The following DGKG variants were observed in gnomAD, a reference collection of about 807,000 sequenced individuals.
DGKG encodes DAG kinase gamma.
In DGKG, 78 loss-of-function variants were observed where a neutral mutation model predicts 105.3. The ratio of observed to expected loss-of-function variants is 0.74; its 90% confidence interval spans 0.62 to 0.89. The LOEUF is 0.89. DGKG is among the 40% of genes least tolerant of loss of function. The pLI, the probability that DGKG is intolerant of heterozygous loss-of-function variation, is 0.00. For missense variants in DGKG, 958 were observed against 1,020.1 expected, an observed-to-expected ratio of 0.94 and a Z score of 0.83; for synonymous variants, 346 against 367.1, an observed-to-expected ratio of 0.94 and a Z score of 0.66.
intron 20 of DGKG, among the ~76,000 whole-genome samples, chr3:186,223,411 T>C (rs1377857833): frequency 6.6e-6 from 1 of 152,096 alleles, no homozygotes; most frequent in African/African-American, 2.4e-5. Context: ...TCTGCCTATG[T>C]TTCCTGTGCC....
At chr3:186,299,514 C>CA (rs1723767035) in intron 3 of DGKG, among the ~76,000 whole-genome samples, 1 of 152,232 alleles carries the variant, frequency 6.6e-6, no homozygotes, top group African/African-American at 2.4e-5. Context: ...TTCAGCTGGA[C>CA]AGAGGCTCTT....
chr3:186,182,548 C>T (rs1717408551), intron 22 of DGKG, among the ~76,000 whole-genome samples: 1 of 152,156 alleles, frequency 6.6e-6, no homozygotes, highest in African/African-American at 2.4e-5. Flanking sequence ...AATGGTGAGT[C>T]CCTACTCTAC....
chr3:186,307,744 A>G (rs868068023), intron 2 of DGKG, among the ~76,000 whole-genome samples: 1 of 152,218 alleles, frequency 6.6e-6, no homozygotes, highest in South Asian at 2.1e-4. Context: ...TGAAAATTTC[A>G]AAACATTAAA....
At chr3:186,268,732 T>C in intron 12 of DGKG, 69 bp downstream of exon 12, 1 of 1,145,392 alleles carries the variant, frequency 8.7e-7, no homozygotes, top group South Asian at 1.3e-5. Context: ...GGATATTCAC[T>C]GCTCCTGGGC....
At chr3:186,194,767 C>T (rs1348651558) in intron 21 of DGKG, among the ~76,000 whole-genome samples, 1 of 145,512 alleles carries the variant, frequency 6.9e-6, no homozygotes, top group Non-Finnish European at 1.5e-5. Context: ...AGTTATTGTC[C>T]CTCCCATCTT....
In DGKG at chr3:186,237,997, A is replaced by G. The variant is rs9842275; in HGVS notation, c.1826+4507T>C. ...CCCCTTTAACACTATTGCTACACCT[A>G]AAACAACCAATTTGGCCAGGAGTGG... On this transcript the variant is annotated intron_variant, in intron 20 of 24. Coordinates refer to ENST00000265022, the MANE Select transcript of DGKG (RefSeq NM_001346.3). Among the ~76,000 whole-genome samples, 1,212 of 152,280 alleles carry G rather than the reference A, an allele frequency of 8.0e-3. 18 individuals carry two copies. The highest frequency in any genetic ancestry group is 0.027 in the African/African-American group (1,140 of 41,548).
At chr3:186,225,077 T>C (rs1186426497) in intron 20 of DGKG, among the ~76,000 whole-genome samples, 3 of 152,104 alleles carry the variant, frequency 2.0e-5, no homozygotes, top group African/African-American at 4.8e-5. Flanking sequence ...TTTCTTTCTT[T>C]TTTTTTTTAA....
chr3:186,152,186 C>A (rs1715794248), intron 24 of DGKG, among the ~76,000 whole-genome samples: 2 of 152,154 alleles, frequency 1.3e-5, no homozygotes, highest in Non-Finnish European at 2.9e-5. Context: ...TGAAAATGAT[C>A]CTTATGTTGG....
At chr3:186,242,652 G>A (rs753087425) in intron 19 of DGKG, 84 bp from the exon 20 acceptor site, 26 of 1,166,246 alleles carry the variant, frequency 2.2e-5, no homozygotes, top group East Asian at 2.5e-5. Flanking sequence ...GCATGCACTC[G>A]CTGAGTCATG....
At chr3:186,154,618 C>T (rs1445521887) in intron 24 of DGKG, among the ~76,000 whole-genome samples, 1 of 135,498 alleles carries the variant, frequency 7.4e-6, no homozygotes, top group Non-Finnish European at 1.5e-5. Context: ...GCACTCCAGC[C>T]TAGACAACAG....
intron 24 of DGKG, chr3:186,160,607 C>T: frequency 2.0e-6 from 2 of 985,378 alleles, no homozygotes; most frequent in Non-Finnish European, 2.4e-6. Context: ...TAGTAGAAGA[C>T]AATTTGATGT....
chr3:186,294,530 CT>C (rs1299733144), intron 5 of DGKG, among the ~76,000 whole-genome samples: 1 of 121,784 alleles, frequency 8.2e-6, no homozygotes, highest in Non-Finnish European at 1.7e-5. Context: ...GAGTGAAACT[CT>C]GTCTCAAAAA....
At chr3:186,224,218 G>C (rs1228002232) in intron 20 of DGKG, among the ~76,000 whole-genome samples, 1 of 152,156 alleles carries the variant, frequency 6.6e-6, no homozygotes, top group South Asian at 2.1e-4. Flanking sequence ...CCAATTCCTT[G>C]CCAGGGTCCT....
chr3:186,263,753 C>A (rs1028742956), intron 14 of DGKG, among the ~76,000 whole-genome samples: 2 of 151,674 alleles, frequency 1.3e-5, no homozygotes, highest in Non-Finnish European at 1.5e-5. Context: ...ACCCTACTAC[C>A]AAGGACCCTA....
At chr3:186,237,923 T>G (rs1176690169) in intron 20 of DGKG, among the ~76,000 whole-genome samples, 1 of 152,230 alleles carries the variant, frequency 6.6e-6, no homozygotes, top group Admixed American at 6.5e-5. Context: ...AGTTCACCAC[T>G]TGGCATCTAG....
Position 186,148,584 on chromosome 3 carries a change from G to A in DGKG, c.*1506C>T. 1 of 985,374 alleles carries A rather than the reference G, an allele frequency of 1.0e-6. No homozygotes were observed. The highest frequency in any genetic ancestry group is 1.2e-6 in the Non-Finnish European group (1 of 829,928). The allele number at this position is 985,374 out of a possible 1,614,324, so 61.0% of individuals were successfully genotyped here. A position where few individuals can be genotyped will look rare whatever the true frequency, so the allele number is the denominator to read the frequency against. ...CAGAAATGACCCTACTCTGAGATGT[G>A]TGGGTTCTTTTCTCCATTAAATATC... On this transcript the variant is annotated 3_prime_UTR_variant, in exon 25 of 25. Transcript: ENST00000265022.
chr3:186,249,506 C>T (rs1018199605), intron 19 of DGKG, among the ~76,000 whole-genome samples: 22 of 151,924 alleles, frequency 1.4e-4, no homozygotes, highest in African/African-American at 4.4e-4. Context: ...ATTTTTAGTC[C>T]TTTCTTCTCC....
chr3:186,338,810 G>A (rs1489324293), intron 1 of DGKG, among the ~76,000 whole-genome samples: 1 of 152,082 alleles, frequency 6.6e-6, no homozygotes, highest in African/African-American at 2.4e-5. Flanking sequence ...TAGAGATGGA[G>A]GCTTACGGAA....
At chr3:186,150,259 G>C in intron 24 of DGKG, 71 bp from the exon 25 acceptor site, 1 of 1,530,150 alleles carries the variant, frequency 6.5e-7, no homozygotes. Context: ...GTGAGTCGCA[G>C]AGAAAGGAAA....
Sources: gnomAD v4.1 joint callset for allele counts (sites outside exome capture counted in the v4.1 genomes callset) on GRCh38, gnomAD v4.1.1 for gene constraint, MANE v1.5 for transcripts, NCBI Gene and HGNC (gene_info 2026-07-23, HGNC 2026-07-21) for gene names.